HCK: variants seen among roughly 807,000 people sequenced by gnomAD.
HCK encodes HCK proto-oncogene, Src family tyrosine kinase.
A neutral mutation model predicts 70.4 loss-of-function variants in HCK; 40 were observed. That is an observed-to-expected ratio of 0.57 (90% CI 0.44 to 0.74). The LOEUF is 0.74. HCK is among the 30% of genes least tolerant of loss of function. HCK has a pLI of 0.00. For missense variants in HCK, 568 were observed against 697.2 expected (o/e 0.81, Z 2.09); for synonymous variants, 245 against 263.2 (o/e 0.93, Z 0.67).
chr20:32,093,734 A>C, intron 10 of HCK, 129 bp from the exon 11 acceptor site: 1 of 838,834 alleles, frequency 1.2e-6, no homozygotes, highest in Middle Eastern at 3.3e-4. Flanking sequence ...GGCCCTCCCG[A>C]CACAAAAGGG....
At chr20:32,052,925 G>A (rs181819688) in intron 1 of HCK, among the ~76,000 whole-genome samples, 2 of 152,218 alleles carry the variant, frequency 1.3e-5, no homozygotes, top group African/African-American at 4.8e-5. Context: ...CTTGGGGAAG[G>A]GGGTAGTTGG....
chr20:32,057,349 CA>C (rs747810761), intron 1 of HCK, among the ~76,000 whole-genome samples: 2 of 152,170 alleles, frequency 1.3e-5, no homozygotes, highest in Non-Finnish European at 2.9e-5. Context: ...CCTGTAATCC[CA>C]GCACTTTGGG....
chr20:32,069,692 A>C (rs1490714128), intron 1 of HCK: 9 of 867,162 alleles, frequency 1.0e-5, no homozygotes, highest in African/African-American at 1.8e-5. Context: ...CAAAAGACAA[A>C]CAAAGCAAAA....
At chr20:32,069,439 C>T (rs2045506275) in intron 1 of HCK, among the ~76,000 whole-genome samples, 1 of 152,214 alleles carries the variant, frequency 6.6e-6, no homozygotes, top group Non-Finnish European at 1.5e-5. Flanking sequence ...CAGTGCTGCT[C>T]TTCCCAGAAC....
In HCK at chr20:32,086,823, G is replaced by C. The variant is rs1418191058; in HGVS notation, c.1015+16G>C. 6.4e-7 allele frequency: 1 copy of C among 1,562,382 alleles called. No individual in the cohort carries two copies. The highest frequency in any genetic ancestry group is 1.8e-5 in the Admixed American group (1 of 55,350). On this transcript the variant is annotated intron_variant, in intron 9 of 12. Transcript: ENST00000375852. ...ATGGCCAAAGGTGCTGCGTGCTGGGGCTGGGGGTGCAGGCTGTGGCCTATA... is the reference window on the plus strand; with the variant it reads ...ATGGCCAAAGGTGCTGCGTGCTGGGCCTGGGGGTGCAGGCTGTGGCCTATA...
At chr20:32,072,563 T>TAAAAAAAAAAAAA (rs199684278) in intron 2 of HCK, 6 of 63,214 alleles carry the variant, frequency 9.5e-5, no homozygotes, top group African/African-American at 3.6e-4. Flanking sequence ...CCTGTCTCTT[T>TAAAAAAAAAAAAA]AAAAAAAAAA....
chr20:32,057,627 G>C (rs1447827639), intron 1 of HCK, among the ~76,000 whole-genome samples: 1 of 152,182 alleles, frequency 6.6e-6, no homozygotes, highest in Non-Finnish European at 1.5e-5. Context: ...GGAATGTGAA[G>C]CCTAGAGAGG....
chr20:32,052,901 G>C (rs1183701326), intron 1 of HCK, among the ~76,000 whole-genome samples: 1 of 151,874 alleles, frequency 6.6e-6, no homozygotes, highest in African/African-American at 2.4e-5. Context: ...GGGTCACGCC[G>C]GGTTGGCAGC....
rs2045994890 is a variant in HCK at position 32,099,017 on chromosome 20, C to T, written c.1260C>T (p.Pro420=). The change falls in exon 12 of 13, where the codon CCC becomes CCT. Residue 420 remains proline (P), a synonymous_variant. Coordinates refer to ENST00000375852, the MANE Select transcript of HCK (RefSeq NM_002110.5). ...TCAACCCTGCAGGGGCCAAGTTCCC[C>T]ATCAAGTGGACAGCTCCTGAAGCCA... The T allele has an allele frequency of 6.2e-7, 1 of 1,614,180 alleles. No individual in the cohort carries two copies. Among genetic ancestry groups the T allele is most frequent in the Non-Finnish European group, 8.5e-7 (1 of 1,180,030 alleles).
chr20:32,078,782 G>A (rs1368902646), intron 5 of HCK, among the ~76,000 whole-genome samples: 2 of 140,564 alleles, frequency 1.4e-5, no homozygotes, highest in African/African-American at 2.8e-5. Context: ...GCTTGAACCC[G>A]AGAAGCAGAG....
intron 1 of HCK, among the ~76,000 whole-genome samples, chr20:32,069,483 T>C (rs538603258): frequency 3.3e-5 from 5 of 152,360 alleles, no homozygotes; most frequent in Non-Finnish European, 5.9e-5. Flanking sequence ...CGAAATGTGA[T>C]ATAATTTTAT....
At chr20:32,094,787 GAGAAAGAAAGAAAGAAAGAAAGAA>G (rs71185378) in intron 11 of HCK, among the ~76,000 whole-genome samples, 2,682 of 105,310 alleles carry the variant, frequency 0.025, 128 homozygotes, top group Admixed American at 0.095. Context: ...GAGAGAGAAA[GAGAAAGAAAGAAAGAAAGAAAGAA>G]AGAAAGAAAG....
chr20:32,084,068 T>A, intron 7 of HCK, 25 bp downstream of exon 7: 1 of 1,608,688 alleles, frequency 6.2e-7, no homozygotes, highest in Non-Finnish European at 8.5e-7. Context: ...AGGGGTGACA[T>A]CCCCACCACG....
chr20:32,070,556 C>T (rs921413699), intron 1 of HCK, among the ~76,000 whole-genome samples: 15 of 152,142 alleles, frequency 9.9e-5, no homozygotes, highest in African/African-American at 3.6e-4. Flanking sequence ...TCATTTAGAC[C>T]GCAGGTTCTG....
rs2045409862 is a variant in HCK, at chr20:32,063,449, T to C, written c.63-8213T>C. Among the ~76,000 whole-genome samples, 3 of 151,744 alleles carry C rather than the reference T, an allele frequency of 2.0e-5. No individual in the cohort carries two copies. In the South Asian group the frequency reaches 6.2e-4, roughly 32 times the overall value. On this transcript the variant is annotated intron_variant, in intron 1 of 12. Transcript: ENST00000375852. ...TTTGGGTAGAGACAGGGTCTCGATA[T>C]GTTGTCAGGACCAGCCTTGTACTCC...
At chr20:32,097,185 C>T (rs752510078) in intron 11 of HCK, among the ~76,000 whole-genome samples, 1 of 152,054 alleles carries the variant, frequency 6.6e-6, no homozygotes. Context: ...GAGGCTGAGG[C>T]GGGAGAATCG....
rs557105757 is a variant in HCK at position 32,073,162 on chromosome 20, G to A, written c.184-157G>A. ...TTGCTGGCTCTGCCCCTAATGTGCCGTGTGGTGCCAGGCATGTCCCCTGCC... is the reference window on the plus strand; with the variant it reads ...TTGCTGGCTCTGCCCCTAATGTGCCATGTGGTGCCAGGCATGTCCCCTGCC... On this transcript the variant is annotated intron_variant, in intron 2 of 12. Transcript: ENST00000375852. Among the ~76,000 whole-genome samples the A allele has an allele frequency of 5.3e-5, 8 of 152,340 alleles. 1 individual carries two copies. Among genetic ancestry groups the A allele is most frequent in the East Asian group, 3.9e-4 (2 of 5,188 alleles).
chr20:32,087,387 A>G (rs181079478), intron 9 of HCK, among the ~76,000 whole-genome samples: 1 of 151,778 alleles, frequency 6.6e-6, no homozygotes, highest in East Asian at 2.0e-4. Flanking sequence ...CCTGGGCTCA[A>G]GTGATCCTCC....
rs1012688195 is a variant in HCK at position 32,101,608 on chromosome 20, C to A, written c.*89C>A. The A allele has an allele frequency of 1.8e-5, 20 of 1,093,060 alleles. No homozygotes were observed. The highest frequency in any genetic ancestry group is 2.7e-5 in the Non-Finnish European group (20 of 752,234). 67.7% of individuals were successfully genotyped at this position (1,093,060 alleles called of 1,614,324 possible). ...ATCCGCCAGGGCCCACACCCCCTTC[C>A]TACTCCCAGACACCCACCCTCGCTT... is the stretch of plus-strand genomic sequence containing the variant. On this transcript the variant is annotated 3_prime_UTR_variant, in exon 13 of 13. Transcript: ENST00000375852.
Sources: gnomAD v4.1 joint callset for allele counts (sites outside exome capture counted in the v4.1 genomes callset) on GRCh38, gnomAD v4.1.1 for gene constraint, MANE v1.5 for transcripts, NCBI Gene and HGNC (gene_info 2026-07-23, HGNC 2026-07-21) for gene names.